Variants in EPS8L3 observed in about 807,000 individuals in gnomAD.
The protein encoded by EPS8L3 is epidermal growth factor receptor kinase substrate 8-like protein 3.
EPS8L3 carries 80 observed loss-of-function variants against 88.5 expected under a neutral mutation model. That is an observed-to-expected ratio of 0.90 (90% CI 0.75 to 1.09). EPS8L3 has a LOEUF of 1.09. Ranked by LOEUF, EPS8L3 falls within the 50% of genes least tolerant of loss-of-function variation. EPS8L3 has a pLI of 0.00. For synonymous variants in EPS8L3, 286 were observed against 291.0 expected, an observed-to-expected ratio of 0.98 and a Z score of 0.18; for missense variants, 721 against 735.2, an observed-to-expected ratio of 0.98 and a Z score of 0.22.
At chr1:109,752,275 A>T (rs768556323) in intron 14 of EPS8L3, 82 bp from the exon 15 acceptor site, 1 of 1,348,410 alleles carries the variant, frequency 7.4e-7, no homozygotes, top group Non-Finnish European at 1.0e-6. Flanking sequence ...CCCCTCAGGT[A>T]TCTCCGGCCT....
At chr1:109,757,772 G>A in intron 10 of EPS8L3, 30 bp downstream of exon 10, 1 of 1,601,158 alleles carries the variant, frequency 6.2e-7, no homozygotes, top group Non-Finnish European at 8.6e-7. Flanking sequence ...GAAGAGGAGA[G>A]GCCTGGTGAA....
At chr1:109,758,291 C>A (rs1438960396) in intron 8 of EPS8L3, 25 bp downstream of exon 8, 1 of 1,598,704 alleles carries the variant, frequency 6.3e-7, no homozygotes. Context: ...AAAGCCTCAG[C>A]AAACTCAAGA....
intron 14 of EPS8L3, 40 bp from the exon 15 acceptor site, chr1:109,752,233 A>G: frequency 6.4e-7 from 1 of 1,573,934 alleles, no homozygotes; most frequent in Non-Finnish European, 8.7e-7. Context: ...ATGGGGCCTC[A>G]GAAATTAAGC....
In EPS8L3 at chr1:109,759,933, G is replaced by C. The variant is rs887210039; in HGVS notation, c.97-97C>G. ...GAAAAGCAGAAGAGGAAGAAGACGT[G>C]TCCTCGGCCCCCTTGAGGTAGGAGG... On this transcript the variant is annotated intron_variant, in intron 3 of 18. Coordinates refer to ENST00000361965, the MANE Select transcript of EPS8L3 (RefSeq NM_133181.4). This position sits in a 1 kb window ranked among gnomAD's most constrained non-coding sequence, Gnocchi z 4.2. 6 of 1,333,668 alleles carry C rather than the reference G, an allele frequency of 4.5e-6. No individual in the cohort carries two copies. The South Asian group carries it at 8.2e-5, about 18-fold the overall frequency. The allele number at this position is 1,333,668 out of a possible 1,614,324, so 82.6% of individuals were successfully genotyped here.
At chr1:109,755,997 A>C (rs544860254) in intron 12 of EPS8L3, among the ~76,000 whole-genome samples, 2 of 152,316 alleles carry the variant, frequency 1.3e-5, no homozygotes, top group East Asian at 3.9e-4. Context: ...CTTGCCATGT[A>C]GAAGTTTGCC....
rs142473909 is a variant in EPS8L3, at chr1:109,759,110, C to T, written c.413G>A (p.Arg138Gln). The change falls in exon 6 of 19, where the codon CGA (arginine) becomes CAA (glutamine). Residue 138 changes from arginine to glutamine, a missense_variant. Transcript: ENST00000361965. The surrounding 1 kb of genome is among the most constrained non-coding windows in gnomAD (Gnocchi z 4.2). ...AGCCTTCTGCAGGCTGGTCTTCAGT[C>T]GCTCTGCCTGGGAAGCAGCAGTCAG... ...LFQCQEVGAERLKTSLQKALE... is the reference protein window; with the variant it reads ...LFQCQEVGAEQLKTSLQKALE... The T allele has an allele frequency of 5.2e-5, 83 of 1,611,630 alleles. No homozygotes were observed. The East Asian group carries it at 1.3e-3, about 25-fold the overall frequency.
At position 109,759,183 on chromosome 1, in the gene EPS8L3, G is replaced by GT; in HGVS notation, c.405+54_405+55insA. On this transcript the variant is annotated intron_variant, in intron 5 of 18. Transcript: ENST00000361965. This position sits in a 1 kb window ranked among gnomAD's most constrained non-coding sequence, Gnocchi z 4.2. ...TGTGTGTGTGTGTGTGTGTGTGTGTGGTGGGGTGATGGTCGATGAACCCCA... is the reference window on the plus strand; with the variant it reads ...TGTGTGTGTGTGTGTGTGTGTGTGTGTGTGGGGTGATGGTCGATGAACCCCA... 4.0e-6 allele frequency: 6 copies of GT among 1,488,118 alleles called. No individual in the cohort carries two copies. The highest frequency in any genetic ancestry group is 5.6e-6 in the Non-Finnish European group (6 of 1,071,932). The allele number at this position is 1,488,118 out of a possible 1,614,324, so 92.2% of individuals were successfully genotyped here.
At chr1:109,757,602 T>C in intron 10 of EPS8L3, 47 bp from the exon 11 acceptor site, 1 of 1,552,260 alleles carries the variant, frequency 6.4e-7, no homozygotes, top group Non-Finnish European at 8.9e-7. Context: ...CCCCACCCCA[T>C]CTTCACCAGG....
At chr1:109,763,149 G>A (rs577022560) in intron 1 of EPS8L3, among the ~76,000 whole-genome samples, 2 of 152,342 alleles carry the variant, frequency 1.3e-5, no homozygotes, top group African/African-American at 4.8e-5. Flanking sequence ...ACTCAGTGTG[G>A]AAGGAAATAA....
rs1570670681 is a variant in EPS8L3, at chr1:109,750,170, G to A, written c.*221C>T. 3.3e-6 allele frequency: 2 copies of A among 601,744 alleles called. No homozygotes were observed. Among genetic ancestry groups the A allele is most frequent in the East Asian group, 5.6e-5 (2 of 35,736 alleles). 37.3% of individuals were successfully genotyped at this position (601,744 alleles called of 1,614,324 possible). ...TAAATGCTCCAGGTTTGGGAAAGAG[G>A]TAAAATAAATAGGTGGTTACTGGGG... is the stretch of plus-strand genomic sequence containing the variant. On this transcript the variant is annotated 3_prime_UTR_variant, in exon 19 of 19. Coordinates refer to ENST00000361965, the MANE Select transcript of EPS8L3 (RefSeq NM_133181.4).
intron 6 of EPS8L3, 145 bp downstream of exon 6, chr1:109,758,917 C>G (rs989521776): frequency 1.1e-6 from 1 of 939,764 alleles, no homozygotes; most frequent in Admixed American, 2.5e-5. Context: ...CTTGCCTATG[C>G]CCACCTCTGT....
intron 12 of EPS8L3, 114 bp from the exon 13 acceptor site, chr1:109,753,312 A>G: frequency 1.3e-6 from 1 of 785,682 alleles, no homozygotes; most frequent in Non-Finnish European, 2.0e-6. Context: ...CTTTTGGCTA[A>G]TAGGTGACAT....
Position 109,758,066 on chromosome 1 carries a change from C to T in EPS8L3, c.718-8G>A. ...GACATGGTTCAGCACTTCCTGGGCC[C>T]CAAACAACCCATGGCCTTGAACGGG... On this transcript the variant is annotated splice_polypyrimidine_tract_variant and splice_region_variant and intron_variant, in intron 8 of 18. Coordinates refer to ENST00000361965, the MANE Select transcript of EPS8L3 (RefSeq NM_133181.4). 2 of 1,612,530 alleles carry T rather than the reference C, an allele frequency of 1.2e-6. No individual in the cohort carries two copies. Among genetic ancestry groups the T allele is most frequent in the Non-Finnish European group, 1.7e-6 (2 of 1,179,102 alleles).
chr1:109,751,538 G>C, intron 16 of EPS8L3, 116 bp downstream of exon 16: 3 of 1,492,026 alleles, frequency 2.0e-6, no homozygotes, highest in Non-Finnish European at 2.8e-6. Flanking sequence ...CACTAAGCAT[G>C]CAATAATACG....
chr1:109,750,235 C>A lies in EPS8L3; in HGVS notation c.*156G>T. The A allele has an allele frequency of 1.2e-6, 1 of 862,044 alleles. No homozygotes were observed. Among genetic ancestry groups the A allele is most frequent in the Non-Finnish European group, 1.8e-6 (1 of 545,136 alleles). 53.4% of individuals were successfully genotyped at this position (862,044 alleles called of 1,614,324 possible). ...CCAGAAGGGACACTGTTTGCTTCAG[C>A]CTCTGGGCCTGTCCATTGTTTTTGC... On this transcript the variant is annotated 3_prime_UTR_variant, in exon 19 of 19. Transcript: ENST00000361965.
In EPS8L3 at chr1:109,757,538, C is replaced by T. The variant is rs1235255364; in HGVS notation, c.912G>A (p.Trp304Ter). The change falls in exon 11 of 19, where the codon TGG (tryptophan) becomes TGA (stop). Residue 304 changes from tryptophan (W) to a stop codon, truncating the protein, a stop_gained. Coordinates refer to ENST00000361965, the MANE Select transcript of EPS8L3 (RefSeq NM_133181.4). LOFTEE classifies it high-confidence loss of function. ...GCTCAGGGGCACTTGTCTCCTTCAG[C>T]CAGGTGGCCAGCCTTCCCTGGGGAC... ...SFNLLGRLAT[W>*]LKETSAPELV... is the part of the protein sequence containing the mutation. 4 of 1,614,012 alleles carry T rather than the reference C, an allele frequency of 2.5e-6. No individual in the cohort carries two copies. Among genetic ancestry groups the T allele is most frequent in the Non-Finnish European group, 3.4e-6 (4 of 1,179,940 alleles).
At chr1:109,761,918 G>T in intron 1 of EPS8L3, 145 bp from the exon 2 acceptor site, 1 of 652,074 alleles carries the variant, frequency 1.5e-6, no homozygotes, top group Non-Finnish European at 2.7e-6. Flanking sequence ...CCTTTCCGGA[G>T]CCATCTGCAG....
At chr1:109,760,741 A>G (rs1650829922) in intron 3 of EPS8L3, among the ~76,000 whole-genome samples, 1 of 151,984 alleles carries the variant, frequency 6.6e-6, no homozygotes, top group Non-Finnish European at 1.5e-5. Flanking sequence ...GGACCTGCAG[A>G]CCATCGCCCC....
At chr1:109,751,134 C>T in intron 17 of EPS8L3, 144 bp downstream of exon 17, 1 of 733,192 alleles carries the variant, frequency 1.4e-6, no homozygotes, top group Non-Finnish European at 2.3e-6. Context: ...CACGCCTCTG[C>T]TCTGTCCTCT....
Sources: allele counts gnomAD v4.1 joint callset (sites outside exome capture counted in the v4.1 genomes callset), GRCh38; gene constraint gnomAD v4.1.1; non-coding constraint Gnocchi (gnomAD v3.1); transcripts MANE v1.5; gene names NCBI Gene and HGNC (gene_info 2026-07-23, HGNC 2026-07-21).